Variants in TPO observed in about 807,000 individuals in gnomAD.
The protein encoded by TPO is thyroid microsomal antigen.
Under a neutral mutation model 96.9 loss-of-function variants are expected in TPO, and 78 were observed. That is an observed-to-expected ratio of 0.81 (90% CI 0.67 to 0.97). The LOEUF is 0.97. Among genes scored for constraint, TPO ranks in the 50% least tolerant of loss-of-function variants. TPO has a pLI of 0.00. For missense variants in TPO, 1,252 were observed against 1,274.8 expected, an observed-to-expected ratio of 0.98 and a Z score of 0.27; for synonymous variants, 547 against 538.0, an observed-to-expected ratio of 1.02 and a Z score of -0.23.
In TPO at chr2:1,484,843, T is replaced by G. The variant is rs1670978559; in HGVS notation, c.1586T>G (p.Leu529Ter). ...CAGGCTTTCTTCAGCCCATGGACAT[T>G]ACTCCGTGGAGGTGAGTGAGTGCGG... ...LHQAFFSPWT[L>*]LRGGGLDPLI... Residue 529 changes from leucine (L) to a stop codon, truncating the protein, a stop_gained, in exon 9 of 17, where the codon TTA becomes TGA. Transcript: ENST00000329066. LOFTEE classifies it high-confidence loss of function. The G allele has an allele frequency of 1.2e-6, 2 of 1,613,886 alleles. No homozygotes were observed. The highest frequency in any genetic ancestry group is 1.7e-6 in the Non-Finnish European group (2 of 1,180,040).
At chr2:1,439,196 C>G (rs550651338) in intron 5 of TPO, 1 of 244,516 alleles carries the variant, frequency 4.1e-6, no homozygotes, top group Non-Finnish European at 7.9e-6. Context: ...GCTCCACTGA[C>G]GCTCCTGGGA....
At chr2:1,380,544 T>A (rs923274921) in intron 1 of TPO, among the ~76,000 whole-genome samples, 2 of 152,180 alleles carry the variant, frequency 1.3e-5, no homozygotes, top group African/African-American at 4.8e-5. Flanking sequence ...TCTCTTGATA[T>A]GGAAACTCAT....
At chr2:1,410,920 C>T (rs1437726657), upstream of TPO, among the ~76,000 whole-genome samples, 1 of 152,228 alleles carries the variant, frequency 6.6e-6, no homozygotes, top group Admixed American at 6.5e-5. Context: ...TCTCTCTGCT[C>T]TCCATTGCTG....
chr2:1,516,777 G>A (rs747191936), intron 14 of TPO, 106 bp from the exon 15 acceptor site: 11 of 1,009,614 alleles, frequency 1.1e-5, no homozygotes, highest in Non-Finnish European at 1.6e-5. Flanking sequence ...GCTGTGGGGT[G>A]AAGGCCACTG....
upstream of TPO, among the ~76,000 whole-genome samples, chr2:1,409,519 C>T (rs1318123352): frequency 6.6e-6 from 1 of 152,144 alleles, no homozygotes; most frequent in South Asian, 2.1e-4. Flanking sequence ...CCCAAACCTC[C>T]TTCACCCACC....
intron 5 of TPO, among the ~76,000 whole-genome samples, chr2:1,449,156 G>A (rs1667101989): frequency 6.6e-6 from 1 of 152,138 alleles, no homozygotes; most frequent in African/African-American, 2.4e-5. Flanking sequence ...TTAAGTTATT[G>A]GAAGAACCCT....
At chr2:1,516,697 A>T (rs1437725248) in intron 14 of TPO, among the ~76,000 whole-genome samples, 186 bp from the exon 15 acceptor site, 1 of 152,190 alleles carries the variant, frequency 6.6e-6, no homozygotes. Flanking sequence ...CACACGTCAC[A>T]TTCGGATCTG....
chr2:1,521,464 C>T (rs1188129607), intron 15 of TPO, among the ~76,000 whole-genome samples: 2 of 152,148 alleles, frequency 1.3e-5, no homozygotes, highest in East Asian at 1.9e-4. Flanking sequence ...CGGGTGCCCT[C>T]TTCCCCCAGG....
chr2:1,429,409 T>C (rs187783794), intron 3 of TPO, among the ~76,000 whole-genome samples: 9 of 152,320 alleles, frequency 5.9e-5, no homozygotes, highest in Admixed American at 5.9e-4. Context: ...TTTATAGCAA[T>C]GTGAAAATGG....
chr2:1,480,559 T>TACACACACAC (rs3036105), intron 8 of TPO, among the ~76,000 whole-genome samples: 2,492 of 44,340 alleles, frequency 0.056, 224 homozygotes, highest in Admixed American at 0.071. Flanking sequence ...TCAAACCCCC[T>TACACACACAC]ACACACACAC....
chr2:1,413,803 T>G, intron 1 of TPO: 1 of 950,052 alleles, frequency 1.1e-6, no homozygotes, highest in Non-Finnish European at 1.3e-6. Context: ...GGTGCTATCC[T>G]GCTTAACAAA....
chr2:1,404,339 C>A (rs1278808868), intron 1 of TPO, among the ~76,000 whole-genome samples: 2 of 152,096 alleles, frequency 1.3e-5, no homozygotes, highest in Non-Finnish European at 2.9e-5. Context: ...ACAGGGCCTC[C>A]TCTGCTGTGA....
At position 1,477,300 on chromosome 2, in the gene TPO, G is replaced by C. The variant is rs199859782; in HGVS notation, c.1034G>C (p.Ser345Thr). The C allele has an allele frequency of 3.8e-6, 6 of 1,586,492 alleles. No individual in the cohort carries two copies. In the East Asian group the frequency reaches 9.1e-5, roughly 24 times the overall value. ...ALERQLRNWTSAEGLLRVHAR... is the reference protein window; with the variant it reads ...ALERQLRNWTTAEGLLRVHAR... ...GAGAGGCAGCTGCGGAACTGGACCA[G>C]TGCCGAAGGGCTGCTCCGCGTCCAC... is the stretch of plus-strand genomic sequence containing the variant. The change falls in exon 8 of 17, where the codon AGT becomes ACT. Residue 345 changes from serine to threonine, a missense_variant. By Grantham distance (58) the Ser-to-Thr change is moderately conservative. Transcript: ENST00000329066.
Position 1,496,619 on chromosome 2 carries a change from G to T in TPO, c.2240G>T (p.Ser747Ile), listed in dbSNP as rs750689640. ...GACGACAAGTGTGGCTTCCCAGAGA[G>T]CGTGGAGAATGGGGACTTTGTGCAC... is the stretch of plus-strand genomic sequence containing the variant. ...PQDDKCGFPE[S>I]VENGDFVHCE... The change falls in exon 13 of 17, where the codon AGC (serine) becomes ATC (isoleucine). Residue 747 changes from serine to isoleucine, a missense_variant. Coordinates refer to ENST00000329066, the MANE Select transcript of TPO (RefSeq NM_001206744.2). 1.9e-6 allele frequency: 3 copies of T among 1,613,792 alleles called. No individual in the cohort carries two copies. The highest frequency in any genetic ancestry group is 2.5e-6 in the Non-Finnish European group (3 of 1,180,004).
intron 15 of TPO, 141 bp from the exon 16 acceptor site, chr2:1,540,453 G>A: frequency 6.3e-7 from 1 of 1,576,838 alleles, no homozygotes; most frequent in Non-Finnish European, 8.6e-7. Context: ...CGACTTGACT[G>A]AAGTGTGAAA....
At chr2:1,476,226 C>T (rs1034885863) in intron 7 of TPO, among the ~76,000 whole-genome samples, 1 of 152,122 alleles carries the variant, frequency 6.6e-6, no homozygotes. Context: ...CTGTCCAACC[C>T]CGGTGATCTT....
chr2:1,443,101 C>A lies in TPO; in HGVS notation c.482+6717C>A, dbSNP rs78416754. Among the ~76,000 whole-genome samples, 5 of 152,316 alleles carry A rather than the reference C, an allele frequency of 3.3e-5. No individual in the cohort carries two copies. The East Asian group carries it at 9.7e-4, about 29-fold the overall frequency. On this transcript the variant is annotated intron_variant, in intron 5 of 16. Transcript: ENST00000329066. ...AAACAAACAAAAAATTGTGTTATTT[C>A]TTGAGTTTTGATCTGATGAACTACT...
At chr2:1,434,608 G>A (rs144093526) in intron 4 of TPO, among the ~76,000 whole-genome samples, 209 of 152,244 alleles carry the variant, frequency 1.4e-3, no homozygotes, top group African/African-American at 4.5e-3. Flanking sequence ...AGTTCCTGAC[G>A]TCAGAAGATG....
intron 7 of TPO, among the ~76,000 whole-genome samples, chr2:1,457,847 G>A (rs1667985670): frequency 6.6e-6 from 1 of 152,014 alleles, no homozygotes; most frequent in East Asian, 1.9e-4. Flanking sequence ...AGGATTATGT[G>A]TGGGCATGTG....
Sources: allele counts gnomAD v4.1 joint callset (sites outside exome capture counted in the v4.1 genomes callset), GRCh38; gene constraint gnomAD v4.1.1; transcripts MANE v1.5; gene names NCBI Gene and HGNC (gene_info 2026-07-23, HGNC 2026-07-21).